Variants in DRC11 observed in about 807,000 individuals in gnomAD.
DRC11 encodes the protein IQ and AAA domain-containing protein 1.
chr2:236,413,614 G>C, the DRC11 span, among the ~76,000 whole-genome samples: 2 of 152,192 alleles, frequency 1.3e-5, no homozygotes, highest in East Asian at 3.8e-4. This position sits in a 1 kb window ranked among gnomAD's most constrained non-coding sequence, Gnocchi z 4.0. Context: ...TCAGAGTTAG[G>C]TCTGCTGGCA....
the DRC11 span, among the ~76,000 whole-genome samples, chr2:236,398,945 T>C: frequency 6.6e-6 from 1 of 152,218 alleles, no homozygotes; most frequent in Non-Finnish European, 1.5e-5. The surrounding 1 kb of genome is among the most constrained non-coding windows in gnomAD (Gnocchi z 6.2). Context: ...TCATCCTATA[T>C]GCATCTTGCC....
chr2:236,359,745 A>G, the DRC11 span, among the ~76,000 whole-genome samples: 24 of 152,298 alleles, frequency 1.6e-4, no homozygotes, highest in Non-Finnish European at 2.5e-4. This position sits in a 1 kb window ranked among gnomAD's most constrained non-coding sequence, Gnocchi z 4.3. Flanking sequence ...ACCTCTTTGC[A>G]GTGCAGATAG....
At chr2:236,391,108 T>A in the DRC11 span, 3 of 152,236 alleles carry the variant, frequency 2.0e-5, no homozygotes, top group Admixed American at 1.3e-4. The surrounding 1 kb of genome is among the most constrained non-coding windows in gnomAD (Gnocchi z 4.5). Context: ...CTTTCATCTA[T>A]GGATGGTTAT....
At chr2:236,426,537 G>C in the DRC11 span, among the ~76,000 whole-genome samples, 2 of 150,232 alleles carry the variant, frequency 1.3e-5, no homozygotes, top group African/African-American at 5.0e-5. This position sits in a 1 kb window ranked among gnomAD's most constrained non-coding sequence, Gnocchi z 4.1. Context: ...AGTATTTTTA[G>C]TGGAGTCTCT....
chr2:236,491,332 A>C, the DRC11 span, among the ~76,000 whole-genome samples: 2 of 146,162 alleles, frequency 1.4e-5, no homozygotes, highest in African/African-American at 5.1e-5. Flanking sequence ...GGCCATGGGG[A>C]AGTCGCAGCA....
At chr2:236,407,721 C>T in the DRC11 span, 9 of 271,402 alleles carry the variant, frequency 3.3e-5, no homozygotes, top group East Asian at 8.7e-4. Context: ...CTGTGATCCT[C>T]TCTCTCTTTA....
At chr2:236,399,929 C>A in the DRC11 span, among the ~76,000 whole-genome samples, 2 of 152,132 alleles carry the variant, frequency 1.3e-5, no homozygotes, top group East Asian at 1.9e-4. This position sits in a 1 kb window ranked among gnomAD's most constrained non-coding sequence, Gnocchi z 7.0. Context: ...GTTGCCCAGG[C>A]TGGTCTTGAA....
the DRC11 span, among the ~76,000 whole-genome samples, chr2:236,488,817 A>G: frequency 1.3e-5 from 2 of 152,216 alleles, no homozygotes; most frequent in African/African-American, 2.4e-5. Context: ...GAGATCTCAC[A>G]TGGTGTATGT....
At chr2:236,321,412 G>A in the DRC11 span, among the ~76,000 whole-genome samples, 2 of 152,218 alleles carry the variant, frequency 1.3e-5, no homozygotes, top group Non-Finnish European at 2.9e-5. Context: ...CAGTATATAT[G>A]TTCTAATGGC....
chr2:236,452,735 A>T, the DRC11 span, among the ~76,000 whole-genome samples: 5 of 152,246 alleles, frequency 3.3e-5, no homozygotes, highest in Admixed American at 3.3e-4. The surrounding 1 kb of genome is among the most constrained non-coding windows in gnomAD (Gnocchi z 4.7). Flanking sequence ...TTACTGGGAT[A>T]GTCTTAGCAG....
At chr2:236,396,986 C>T in the DRC11 span, among the ~76,000 whole-genome samples, 10 of 152,148 alleles carry the variant, frequency 6.6e-5, no homozygotes, top group African/African-American at 2.4e-4. Context: ...TGTCACTCCA[C>T]AAGGGCCCTC....
At chr2:236,392,084 A>G in the DRC11 span, 1 of 1,610,610 alleles carries the variant, frequency 6.2e-7, no homozygotes, top group Non-Finnish European at 8.5e-7. This position sits in a 1 kb window ranked among gnomAD's most constrained non-coding sequence, Gnocchi z 5.1. Context: ...AGGAGAATAC[A>G]AAACATACTA....
the DRC11 span, chr2:236,441,262 T>C: frequency 4.6e-6 from 3 of 645,734 alleles, no homozygotes; most frequent in Admixed American, 2.6e-5. Context: ...GGGCTGGGCA[T>C]GGTGTCTTGA....
chr2:236,388,282 A>G, the DRC11 span, among the ~76,000 whole-genome samples: 1 of 149,790 alleles, frequency 6.7e-6, no homozygotes, highest in Non-Finnish European at 1.5e-5. Context: ...CATTCTCCCC[A>G]TCACTTTCAG....
At chr2:236,392,962 A>G in the DRC11 span, among the ~76,000 whole-genome samples, 1 of 152,326 alleles carries the variant, frequency 6.6e-6, no homozygotes, top group South Asian at 2.1e-4. This position sits in a 1 kb window ranked among gnomAD's most constrained non-coding sequence, Gnocchi z 5.1. Context: ...ACCTGGAGAA[A>G]CATGACCCTA....
chr2:236,397,207 C>T, the DRC11 span, among the ~76,000 whole-genome samples: 1 of 152,240 alleles, frequency 6.6e-6, no homozygotes, highest in Non-Finnish European at 1.5e-5. This position sits in a 1 kb window ranked among gnomAD's most constrained non-coding sequence, Gnocchi z 5.0. Flanking sequence ...TGCTCATATG[C>T]TACTTCTTGA....
chr2:236,430,019 A>G, the DRC11 span, among the ~76,000 whole-genome samples: 1 of 152,080 alleles, frequency 6.6e-6, no homozygotes, highest in African/African-American at 2.4e-5. The surrounding 1 kb of genome is among the most constrained non-coding windows in gnomAD (Gnocchi z 6.0). Flanking sequence ...TGAGTTCCTC[A>G]GCAGGGCTGT....
the DRC11 span, chr2:236,324,908 G>T: frequency 9.1e-6 from 6 of 657,284 alleles, no homozygotes; most frequent in Non-Finnish European, 1.6e-5. This position sits in a 1 kb window ranked among gnomAD's most constrained non-coding sequence, Gnocchi z 5.7. Context: ...GGGCATTTAA[G>T]GTATGCTTGA....
chr2:236,496,901 C>T, the DRC11 span, among the ~76,000 whole-genome samples: 2 of 152,152 alleles, frequency 1.3e-5, no homozygotes, highest in African/African-American at 4.8e-5. This position sits in a 1 kb window ranked among gnomAD's most constrained non-coding sequence, Gnocchi z 6.3. Context: ...CCTGGGCAGA[C>T]ACTACGATGT....
Sources: gnomAD v4.1 joint callset for allele counts (sites outside exome capture counted in the v4.1 genomes callset) on GRCh38, gnomAD v4.1.1 for gene constraint, Gnocchi (gnomAD v3.1) non-coding constraint, MANE v1.5 for transcripts, NCBI Gene and HGNC (gene_info 2026-07-23, HGNC 2026-07-21) for gene names.